Variants in IGSF21 observed in about 807,000 individuals in gnomAD.
The protein encoded by IGSF21 is immunoglobulin superfamily member 21.
Under a neutral mutation model 46.8 loss-of-function variants are expected in IGSF21, and 28 were observed. The ratio of observed to expected loss-of-function variants is 0.60; its 90% confidence interval spans 0.44 to 0.82. The LOEUF is 0.82. Ranked by LOEUF, IGSF21 falls within the 40% of genes least tolerant of loss-of-function variation. The pLI is 0.00. For synonymous variants in IGSF21, 284 were observed against 273.6 expected (o/e 1.04, Z -0.38); for missense variants, 624 against 665.5 (o/e 0.94, Z 0.69).
intron 1 of IGSF21, among the ~76,000 whole-genome samples, chr1:18,149,136 G>A (rs757629374): frequency 5.3e-5 from 8 of 152,182 alleles, no homozygotes; most frequent in Non-Finnish European, 1.0e-4. Flanking sequence ...GCTGGGACAG[G>A]CGTGTCACTG....
rs572094057 is a variant in IGSF21, at chr1:18,250,012, G to A, written c.183+22002G>A. ...CGGAGGAGGCAGTTGGGGCCCCAGT[G>A]CCCAACATGGTCTCTGTGTCTCTGT... On this transcript the variant is annotated intron_variant, in intron 2 of 9. Transcript: ENST00000251296. Among the ~76,000 whole-genome samples the A allele has an allele frequency of 4.0e-5, 6 of 151,756 alleles. No individual in the cohort carries two copies. In the South Asian group the frequency reaches 1.3e-3, roughly 32 times the overall value.
In IGSF21 at chr1:18,290,290, T is replaced by C. The variant is rs2085252906; in HGVS notation, c.184-1576T>C. 6.6e-6 allele frequency among the ~76,000 whole-genome samples: 1 copy of C among 152,124 alleles called. No individual in the cohort carries two copies. Among genetic ancestry groups the C allele is most frequent in the Non-Finnish European group, 1.5e-5 (1 of 68,022 alleles). On this transcript the variant is annotated intron_variant, in intron 2 of 9. Transcript: ENST00000251296. This position sits in a 1 kb window ranked among gnomAD's most constrained non-coding sequence, Gnocchi z 4.2. The stretch of plus-strand genomic sequence containing the variant: ...TGGTCCTCTGTCTCCCCTCTGCACA[T>C]GGTCAGAAAGCGCCAAGCCCTCAGA...
rs1169348289 is a variant in IGSF21 at position 18,335,862 on chromosome 1, C to T, written c.424+852C>T. Among the ~76,000 whole-genome samples the T allele has an allele frequency of 6.6e-6, 1 of 152,230 alleles. No homozygotes were observed. Among genetic ancestry groups the T allele is most frequent in the African/African-American group, 2.4e-5 (1 of 41,458 alleles). On this transcript the variant is annotated intron_variant, in intron 4 of 9. Transcript: ENST00000251296. This position sits in a 1 kb window ranked among gnomAD's most constrained non-coding sequence, Gnocchi z 4.8. ...CAGAGGGACATTGATTCCTGCAGCA[C>T]ACCCGTGGTGGTTCTGGCTTCCCGA...
intron 4 of IGSF21, among the ~76,000 whole-genome samples, chr1:18,356,575 G>A (rs1009507008): frequency 1.3e-4 from 20 of 152,376 alleles, no homozygotes; most frequent in East Asian, 9.6e-4. Flanking sequence ...GTCATGTAGA[G>A]TTGATATCTG....
rs114093681 is a variant in IGSF21, at chr1:18,184,903, C to A, written c.71-42995C>A. ...AAATCCCAGTCCAGACACTTCTGAG[C>A]TGTGTGACCTTGGGCATGTGTAACT... On this transcript the variant is annotated intron_variant, in intron 1 of 9. Transcript: ENST00000251296. 8.3e-3 allele frequency among the ~76,000 whole-genome samples: 1,263 copies of A among 152,340 alleles called. 11 individuals carry two copies. Among genetic ancestry groups the A allele is most frequent in the South Asian group, 0.022 (108 of 4,826 alleles).
chr1:18,174,399 T>C (rs1039404630), intron 1 of IGSF21, among the ~76,000 whole-genome samples: 1 of 152,184 alleles, frequency 6.6e-6, no homozygotes, highest in Non-Finnish European at 1.5e-5. Context: ...TTCTTCCCGC[T>C]GCTGATGAAA....
intron 4 of IGSF21, among the ~76,000 whole-genome samples, chr1:18,338,159 T>C (rs1399397839): frequency 2.0e-5 from 3 of 152,188 alleles, no homozygotes; most frequent in Non-Finnish European, 2.9e-5. Context: ...CAGAATGTTC[T>C]GGGCCTGAGG....
chr1:18,308,350 A>G (rs2124582478), intron 3 of IGSF21, among the ~76,000 whole-genome samples: 1 of 152,206 alleles, frequency 6.6e-6, no homozygotes, highest in South Asian at 2.1e-4. Context: ...CATCCTGTTC[A>G]TTTCTTCATT....
At chr1:18,278,011 A>G (rs974703524) in intron 2 of IGSF21, among the ~76,000 whole-genome samples, 2 of 152,148 alleles carry the variant, frequency 1.3e-5, no homozygotes, top group African/African-American at 4.8e-5. Context: ...TGTGCAATTC[A>G]TTGTGTGTAA....
intron 3 of IGSF21, among the ~76,000 whole-genome samples, chr1:18,295,179 G>A (rs1465663460): frequency 6.6e-6 from 1 of 152,190 alleles, no homozygotes; most frequent in East Asian, 1.9e-4. Context: ...GGGTGCAGGT[G>A]TGTATCCCTG....
intron 4 of IGSF21, among the ~76,000 whole-genome samples, chr1:18,344,035 C>T (rs72938743): frequency 6.6e-6 from 1 of 152,116 alleles, no homozygotes; most frequent in Non-Finnish European, 1.5e-5. Flanking sequence ...TTCCAGGAGG[C>T]CCAGCCAGAA....
intron 2 of IGSF21, among the ~76,000 whole-genome samples, chr1:18,239,295 G>A (rs1005211537): frequency 4.6e-5 from 7 of 152,046 alleles, no homozygotes; most frequent in African/African-American, 1.7e-4. Context: ...TCCCAGCTCA[G>A]ACTCACCATC....
rs1173622577 is a variant in IGSF21, at chr1:18,327,780, G to A, written c.306-7112G>A. ...GCACAAGGAGCTTTTTGGGAGAGAT[G>A]AGTATGTTCATTATCTTGATTGTGG... On this transcript the variant is annotated intron_variant, in intron 3 of 9. Transcript: ENST00000251296. Among the ~76,000 whole-genome samples, 4 of 152,254 alleles carry A rather than the reference G, an allele frequency of 2.6e-5. No individual in the cohort carries two copies. In the East Asian group the frequency reaches 5.8e-4, roughly 22 times the overall value.
At chr1:18,267,467 G>A (rs1187340777) in intron 2 of IGSF21, among the ~76,000 whole-genome samples, 1 of 152,146 alleles carries the variant, frequency 6.6e-6, no homozygotes, top group East Asian at 1.9e-4. Flanking sequence ...CCACCCTCTG[G>A]TAACATCCTA....
At chr1:18,377,836 G>A (rs898522130) in intron 9 of IGSF21, among the ~76,000 whole-genome samples, 15 of 152,210 alleles carry the variant, frequency 9.9e-5, no homozygotes, top group Non-Finnish European at 2.2e-4. Context: ...AGACCACTCC[G>A]TAGGGTGGTT....
rs181664677 is a variant in IGSF21, at chr1:18,200,394, C to T, written c.71-27504C>T. On this transcript the variant is annotated intron_variant, in intron 1 of 9. Transcript: ENST00000251296. Reference sequence around the variant, plus strand: ...AGTTATTGTTTCACACTTCTGGAGGCTAGAAGTCCAAGATCGAGGTGTGGG... The same window carrying T: ...AGTTATTGTTTCACACTTCTGGAGGTTAGAAGTCCAAGATCGAGGTGTGGG... 3.3e-5 allele frequency among the ~76,000 whole-genome samples: 5 copies of T among 152,262 alleles called. No individual in the cohort carries two copies. The East Asian group carries it at 9.7e-4, about 29-fold the overall frequency.
chr1:18,114,050 C>T (rs1216592601), intron 1 of IGSF21: 2 of 152,194 alleles, frequency 1.3e-5, no homozygotes, highest in Non-Finnish European at 2.9e-5. Flanking sequence ...GTGATAACCT[C>T]TCTAGGTGTG....
chr1:18,248,613 A>G (rs1241154582), intron 2 of IGSF21, among the ~76,000 whole-genome samples: 1 of 152,144 alleles, frequency 6.6e-6, no homozygotes, highest in African/African-American at 2.4e-5. Context: ...TAAGACACAG[A>G]TATTGATAAG....
intron 1 of IGSF21, chr1:18,115,902 AAGGAGAGG>A (rs2086185996): frequency 1.6e-5 from 1 of 63,560 alleles, no homozygotes; most frequent in African/African-American, 5.3e-5. Context: ...AGAAAGAAAG[AAGGAGAGG>A]GAGGGAGGGA....
Sources: allele counts gnomAD v4.1 joint callset (sites outside exome capture counted in the v4.1 genomes callset), GRCh38; gene constraint gnomAD v4.1.1; non-coding constraint Gnocchi (gnomAD v3.1); transcripts MANE v1.5; gene names NCBI Gene and HGNC (gene_info 2026-07-23, HGNC 2026-07-21).